KCTD1: variants seen among roughly 807,000 people sequenced by gnomAD.
KCTD1 encodes BTB/POZ domain-containing protein KCTD1.
Under a neutral mutation model 66.0 loss-of-function variants are expected in KCTD1, and 24 were observed. That is an observed-to-expected ratio of 0.36 (90% CI 0.26 to 0.51). KCTD1 has a LOEUF of 0.51. KCTD1 is among the 20% of genes least tolerant of loss of function. KCTD1 has a pLI of 0.95. For synonymous variants in KCTD1, 511 were observed against 517.2 expected (o/e 0.99, Z 0.16); for missense variants, 943 against 1,205.2 (o/e 0.78, Z 3.22).
chr18:26,480,040 ATTT>A (rs199551482), intron 2 of KCTD1, among the ~76,000 whole-genome samples: 3 of 139,782 alleles, frequency 2.1e-5, no homozygotes, highest in African/African-American at 2.7e-5. Flanking sequence ...TGGTTTTGGA[ATTT>A]TTTTTTTTTT....
chr18:26,573,435 A>G (rs1986155236), intron 1 of KCTD1, among the ~76,000 whole-genome samples: 1 of 152,228 alleles, frequency 6.6e-6, no homozygotes, highest in East Asian at 1.9e-4. Context: ...ACCACAATTA[A>G]AAAAATCGTG....
At chr18:26,597,247 T>C (rs1986787412) in intron 1 of KCTD1, among the ~76,000 whole-genome samples, 1 of 151,364 alleles carries the variant, frequency 6.6e-6, no homozygotes, top group Non-Finnish European at 1.5e-5. Flanking sequence ...CACAAGGGCA[T>C]CCCATAAAGG....
At chr18:26,550,432 G>A (rs886887290), upstream of KCTD1, among the ~76,000 whole-genome samples, 4 of 152,114 alleles carry the variant, frequency 2.6e-5, no homozygotes, top group Non-Finnish European at 4.4e-5. This position sits in a 1 kb window ranked among gnomAD's most constrained non-coding sequence, Gnocchi z 5.4. Context: ...GAACGCTGCT[G>A]GTCCTCCGCG....
intron 1 of KCTD1, among the ~76,000 whole-genome samples, chr18:26,624,638 G>A (rs1278392838): frequency 1.3e-5 from 2 of 152,262 alleles, no homozygotes; most frequent in African/African-American, 4.8e-5. Context: ...CCAGGCAGAA[G>A]TTTGCTGCAG....
In KCTD1 at chr18:26,459,803, G is replaced by A. The variant is rs1463168263; in HGVS notation, c.2256C>T (p.Val752=). 4 of 1,614,064 alleles carry A rather than the reference G, an allele frequency of 2.5e-6. No individual in the cohort carries two copies. The highest frequency in any genetic ancestry group is 2.2e-5 in the East Asian group (1 of 44,890). ...GRFSRPCECL[V]VRVAPDLGER... Reference sequence around the variant, plus strand: ...CTCCGAGGTCTGGGGCCACACGCACGACGAGGCACTCACAGGGCCTTGAAA... The same window carrying A: ...CTCCGAGGTCTGGGGCCACACGCACAACGAGGCACTCACAGGGCCTTGAAA... Residue 752 remains valine (V), a synonymous_variant, in exon 4 of 5, where the codon GTC becomes GTT. Coordinates refer to ENST00000580059, the MANE Select transcript of KCTD1 (RefSeq NM_001142730.3).
At chr18:26,537,329 T>A (rs1280180646) in intron 1 of KCTD1, among the ~76,000 whole-genome samples, 2 of 152,190 alleles carry the variant, frequency 1.3e-5, no homozygotes, top group African/African-American at 4.8e-5. Flanking sequence ...ATATTCCATA[T>A]AAACTGGCTT....
At chr18:26,602,171 T>C (rs140384072) in intron 1 of KCTD1, among the ~76,000 whole-genome samples, 18 of 152,324 alleles carry the variant, frequency 1.2e-4, no homozygotes, top group African/African-American at 4.3e-4. Flanking sequence ...TTAGTGGTTT[T>C]ATCATGAAAG....
At chr18:26,467,538 G>A (rs928374406) in intron 3 of KCTD1, among the ~76,000 whole-genome samples, 4 of 149,626 alleles carry the variant, frequency 2.7e-5, no homozygotes, top group East Asian at 2.0e-4. Context: ...TTTTAAGGCC[G>A]GGCACAATGG....
chr18:26,541,701 T>C (rs1984981288), intron 1 of KCTD1, among the ~76,000 whole-genome samples: 1 of 152,186 alleles, frequency 6.6e-6, no homozygotes, highest in Non-Finnish European at 1.5e-5. Context: ...GTGTGGGCAT[T>C]GCAGGGTCTG....
At chr18:26,596,117 C>A (rs1986759677) in intron 1 of KCTD1, among the ~76,000 whole-genome samples, 1 of 152,090 alleles carries the variant, frequency 6.6e-6, no homozygotes, top group South Asian at 2.1e-4. Flanking sequence ...ATGTTTGTAT[C>A]CCCCACAGAT....
intron 1 of KCTD1, among the ~76,000 whole-genome samples, chr18:26,610,747 T>C (rs370742756): frequency 2.0e-5 from 3 of 152,316 alleles, no homozygotes; most frequent in East Asian, 3.9e-4. Context: ...ATCTTTTTAC[T>C]ACTCAATGGC....
intron 1 of KCTD1, among the ~76,000 whole-genome samples, chr18:26,541,020 G>A (rs1395117792): frequency 6.6e-6 from 1 of 152,200 alleles, no homozygotes; most frequent in Non-Finnish European, 1.5e-5. Flanking sequence ...TGGTGCTGCA[G>A]GGTTGGAGGT....
chr18:26,499,150 C>G (rs1349350144), intron 2 of KCTD1, among the ~76,000 whole-genome samples: 1 of 152,218 alleles, frequency 6.6e-6, no homozygotes, highest in Non-Finnish European at 1.5e-5. Flanking sequence ...AAAAGGCCAT[C>G]AGACCAGACC....
intron 1 of KCTD1, among the ~76,000 whole-genome samples, chr18:26,583,280 G>T (rs1986396195): frequency 6.6e-6 from 1 of 150,854 alleles, no homozygotes; most frequent in Non-Finnish European, 1.5e-5. Flanking sequence ...TGTAATCCCA[G>T]CTACTCAGGA....
intron 1 of KCTD1, among the ~76,000 whole-genome samples, chr18:26,589,617 G>A (rs773535641): frequency 6.6e-6 from 1 of 152,130 alleles, no homozygotes; most frequent in Non-Finnish European, 1.5e-5. Context: ...TACTATCAAT[G>A]GCCTAGCCGT....
chr18:26,601,960 A>C (rs1005750511), intron 1 of KCTD1, among the ~76,000 whole-genome samples: 1 of 151,952 alleles, frequency 6.6e-6, no homozygotes, highest in East Asian at 1.9e-4. Context: ...TTCCTTTCTC[A>C]TATTTATGCC....
Position 26,459,525 on chromosome 18 carries a change from A to C in KCTD1, c.2439+95T>G, listed in dbSNP as rs752856. 1,137,233 of 1,223,688 alleles carry C rather than the reference A, an allele frequency of 0.93. 528,834 individuals are homozygous for C. The highest frequency in any genetic ancestry group is 0.96 in the East Asian group (40,510 of 42,158). 75.8% of individuals were successfully genotyped at this position (1,223,688 alleles called of 1,614,324 possible). A position where few individuals can be genotyped will look rare whatever the true frequency, so the allele number is the denominator to read the frequency against. On this transcript the variant is annotated intron_variant, in intron 4 of 4. Coordinates refer to ENST00000580059, the MANE Select transcript of KCTD1 (RefSeq NM_001142730.3). Reference sequence around the variant, plus strand: ...CAGAAGTGTCACTGAGTGAGTTTCTAAGCTCTTTGGAGGAAAGGCACCATG... The same window carrying C: ...CAGAAGTGTCACTGAGTGAGTTTCTCAGCTCTTTGGAGGAAAGGCACCATG...
At chr18:26,630,543 T>C (rs1987596592), upstream of KCTD1, among the ~76,000 whole-genome samples, 1 of 152,180 alleles carries the variant, frequency 6.6e-6, no homozygotes, top group African/African-American at 2.4e-5. Flanking sequence ...CTCAAATTCC[T>C]GGACTCTTAG....
At chr18:26,617,227 C>T (rs544747978) in intron 1 of KCTD1, among the ~76,000 whole-genome samples, 1 of 152,158 alleles carries the variant, frequency 6.6e-6, no homozygotes, top group Non-Finnish European at 1.5e-5. Flanking sequence ...CAGGCTAAGT[C>T]CATTCAAAAA....
Sources: allele counts gnomAD v4.1 joint callset (sites outside exome capture counted in the v4.1 genomes callset), GRCh38; gene constraint gnomAD v4.1.1; non-coding constraint Gnocchi (gnomAD v3.1); transcripts MANE v1.5; gene names NCBI Gene and HGNC (gene_info 2026-07-23, HGNC 2026-07-21).